The following NECTIN1 variants were observed in gnomAD, a reference collection of about 807,000 sequenced individuals.
The protein encoded by NECTIN1 is nectin-1.
A neutral mutation model predicts 48.0 loss-of-function variants in NECTIN1; 23 were observed. That is an observed-to-expected ratio of 0.48 (90% CI 0.34 to 0.68). The LOEUF is 0.68. Among genes scored for constraint, NECTIN1 ranks in the 30% least tolerant of loss-of-function variants. The pLI is 0.01. For missense variants in NECTIN1, 591 were observed against 709.9 expected (o/e 0.83, Z 1.90); for synonymous variants, 270 against 288.9 (o/e 0.93, Z 0.66).
At chr11:119,649,266 A>C (rs1483874062) in intron 5 of NECTIN1, among the ~76,000 whole-genome samples, 3 of 152,052 alleles carry the variant, frequency 2.0e-5, no homozygotes, top group Non-Finnish European at 4.4e-5. Flanking sequence ...CTGTCGTCCC[A>C]GCTACTTGGG....
chr11:119,648,256 G>GTGA (rs1401930852), intron 5 of NECTIN1, among the ~76,000 whole-genome samples: 11 of 48,002 alleles, frequency 2.3e-4, no homozygotes, highest in African/African-American at 7.8e-4. Context: ...GGTGATAGAG[G>GTGA]TGGTAATAGT....
intron 1 of NECTIN1, among the ~76,000 whole-genome samples, chr11:119,692,570 C>T (rs931768004): frequency 6.6e-6 from 1 of 152,366 alleles, no homozygotes; most frequent in Admixed American, 6.5e-5. Context: ...GGAGAAAGTA[C>T]AAAAGGGTCA....
chr11:119,713,159 A>AATC (rs1321747121), intron 1 of NECTIN1: 1 of 152,280 alleles, frequency 6.6e-6, no homozygotes, highest in Non-Finnish European at 1.5e-5. Context: ...GCAGGTCACT[A>AATC]ATCTCTCTTG....
intron 1 of NECTIN1, among the ~76,000 whole-genome samples, chr11:119,723,395 A>T (rs1339762663): frequency 1.3e-5 from 2 of 152,042 alleles, no homozygotes. Context: ...AGGGAGAGGA[A>T]CTGAGCTGTC....
Position 119,663,081 on chromosome 11 carries a change from G to A in NECTIN1, c.*1666C>T, listed in dbSNP as rs187027061. The A allele has an allele frequency of 3.6e-5, 35 of 985,450 alleles. No homozygotes were observed. The East Asian group carries it at 1.1e-3, about 32-fold the overall frequency. The allele number at this position is 985,450 out of a possible 1,614,324, so 61.0% of individuals were successfully genotyped here. On this transcript the variant is annotated 3_prime_UTR_variant, in exon 6 of 6. Coordinates refer to ENST00000264025, the MANE Select transcript of NECTIN1 (RefSeq NM_002855.5). ...CCTATGGCAGGGTGGGTCAGTGCCC[G>A]TGGGGCACAGAGTGGTCTGCCTCCC...
chr11:119,657,079 C>T (rs576727266), downstream of NECTIN1, among the ~76,000 whole-genome samples: 33 of 152,290 alleles, frequency 2.2e-4, no homozygotes, highest in African/African-American at 5.1e-4. Context: ...CACTGTCATC[C>T]GGGATCCCAA....
intron 1 of NECTIN1, among the ~76,000 whole-genome samples, chr11:119,694,092 T>C (rs758186312): frequency 8.5e-5 from 13 of 152,162 alleles, no homozygotes; most frequent in East Asian, 3.9e-4. Flanking sequence ...AGGCTGAGCA[T>C]TGGTCAGCTA....
chr11:119,688,965 G>T (rs777674620), intron 1 of NECTIN1, among the ~76,000 whole-genome samples: 1 of 152,014 alleles, frequency 6.6e-6, no homozygotes, highest in Non-Finnish European at 1.5e-5. Context: ...GACATGCGGT[G>T]GGGTGTTGTG....
intron 1 of NECTIN1, among the ~76,000 whole-genome samples, chr11:119,682,873 C>T (rs756259395): frequency 6.6e-6 from 1 of 152,170 alleles, no homozygotes. Flanking sequence ...CTACTAGGCG[C>T]CCCTCTTCCA....
chr11:119,655,700 G>GCTT (rs887535685), intron 5 of NECTIN1, among the ~76,000 whole-genome samples: 11 of 152,200 alleles, frequency 7.2e-5, no homozygotes, highest in African/African-American at 2.7e-4. Context: ...ATTCTGTGTA[G>GCTT]CTTCCCAGGG....
rs892093940 is a variant in NECTIN1 at position 119,678,828 on chromosome 11, TC to T, written c.80-64del. 1 of 1,110,066 alleles carries T rather than the reference TC, an allele frequency of 9.0e-7. No homozygotes were observed. Among genetic ancestry groups the T allele is most frequent in the African/African-American group, 1.5e-5 (1 of 64,698 alleles). The allele number at this position is 1,110,066 out of a possible 1,614,324, so 68.8% of individuals were successfully genotyped here. A position where few individuals can be genotyped will look rare whatever the true frequency, so the allele number is the denominator to read the frequency against. Reference sequence around the variant, plus strand: ...CACAGCCTCCCCCCACCCACACAGTTCCCTGTGCTCTGGCCTTGTCTTTTAT... The same window carrying T: ...CACAGCCTCCCCCCACCCACACAGTTCCTGTGCTCTGGCCTTGTCTTTTAT... On this transcript the variant is annotated intron_variant, in intron 1 of 5. Coordinates refer to ENST00000264025, the MANE Select transcript of NECTIN1 (RefSeq NM_002855.5). The surrounding 1 kb of genome is among the most constrained non-coding windows in gnomAD (Gnocchi z 4.4).
intron 5 of NECTIN1, among the ~76,000 whole-genome samples, chr11:119,648,263 TAGTG>T (rs1864427204): frequency 2.2e-5 from 1 of 44,742 alleles, no homozygotes; most frequent in South Asian, 8.0e-4. Flanking sequence ...GAGGTGGTAA[TAGTG>T]GTGGTGGTGA....
At position 119,669,240 on chromosome 11, in the gene NECTIN1, C is replaced by T. The variant is rs190066953; in HGVS notation, c.1004-3943G>A. ...CAGCCTGACCAACATGGTGAAACCT[C>T]GTCTCTACTAAAAATACAAAAATTA... On this transcript the variant is annotated intron_variant, in intron 5 of 5. Transcript: ENST00000264025. Among the ~76,000 whole-genome samples, 108 of 152,244 alleles carry T rather than the reference C, an allele frequency of 7.1e-4. No homozygotes were observed. The East Asian group carries it at 9.1e-3, about 13-fold the overall frequency.
intron 1 of NECTIN1, among the ~76,000 whole-genome samples, chr11:119,719,609 T>G (rs1167122623): frequency 3.3e-5 from 5 of 152,218 alleles, no homozygotes; most frequent in Non-Finnish European, 5.9e-5. Context: ...GTGCCTGGCA[T>G]CCAGGGATTC....
At position 119,677,966 on chromosome 11, in the gene NECTIN1, C is replaced by A; in HGVS notation, c.431-109G>T. ...GGCCTTGTCTTCAGGTCCCCTTGGC[C>A]ATCCCTGCCTCTCAGCTGTGCTGCA... On this transcript the variant is annotated intron_variant, in intron 2 of 5. Coordinates refer to ENST00000264025, the MANE Select transcript of NECTIN1 (RefSeq NM_002855.5). This position sits in a 1 kb window ranked among gnomAD's most constrained non-coding sequence, Gnocchi z 5.4. The A allele has an allele frequency of 9.2e-7, 1 of 1,092,428 alleles. No individual in the cohort carries two copies. 67.7% of individuals were successfully genotyped at this position (1,092,428 alleles called of 1,614,324 possible).
intron 1 of NECTIN1, among the ~76,000 whole-genome samples, chr11:119,719,853 A>G (rs1316844785): frequency 6.6e-6 from 1 of 152,168 alleles, no homozygotes; most frequent in Non-Finnish European, 1.5e-5. Flanking sequence ...GGGATTTGAG[A>G]TGAGAGAAGT....
At position 119,681,679 on chromosome 11, in the gene NECTIN1, G is replaced by A. The variant is rs181927727; in HGVS notation, c.80-2914C>T. Among the ~76,000 whole-genome samples, 54 of 152,278 alleles carry A rather than the reference G, an allele frequency of 3.5e-4. No individual in the cohort carries two copies. The East Asian group carries it at 9.3e-3, about 26-fold the overall frequency. Reference sequence around the variant, plus strand: ...CCCTCACCAGGCAGGGGCAGCCCACGTCTATGTTGGGGTGGAGGTTGCTCT... The same window carrying A: ...CCCTCACCAGGCAGGGGCAGCCCACATCTATGTTGGGGTGGAGGTTGCTCT... On this transcript the variant is annotated intron_variant, in intron 1 of 5. Coordinates refer to ENST00000264025, the MANE Select transcript of NECTIN1 (RefSeq NM_002855.5).
rs929242223 is a variant in NECTIN1, at chr11:119,662,992, G to A, written c.*1755C>T. 6 of 984,268 alleles carry A rather than the reference G, an allele frequency of 6.1e-6. No homozygotes were observed. The African/African-American group carries it at 1.1e-4, about 17-fold the overall frequency. The allele number at this position is 984,268 out of a possible 1,614,324, so 61.0% of individuals were successfully genotyped here. A position where few individuals can be genotyped will look rare whatever the true frequency, so the allele number is the denominator to read the frequency against. ...GGGTTGCCAGGGCAGAAATGGAGCT[G>A]GCAGGGGGTTCAATAGCAGCACCAG... On this transcript the variant is annotated 3_prime_UTR_variant, in exon 6 of 6. Transcript: ENST00000264025. This position sits in a 1 kb window ranked among gnomAD's most constrained non-coding sequence, Gnocchi z 5.3.
downstream of NECTIN1, among the ~76,000 whole-genome samples, chr11:119,658,597 C>T (rs1481878317): frequency 6.6e-6 from 1 of 152,192 alleles, no homozygotes; most frequent in Non-Finnish European, 1.5e-5. Flanking sequence ...CCACCCAATC[C>T]ATGTCCTTCT....
Sources: allele counts gnomAD v4.1 joint callset (sites outside exome capture counted in the v4.1 genomes callset), GRCh38; gene constraint gnomAD v4.1.1; non-coding constraint Gnocchi (gnomAD v3.1); transcripts MANE v1.5; gene names NCBI Gene and HGNC (gene_info 2026-07-23, HGNC 2026-07-21).